Variants in HPSE2 observed in about 807,000 individuals in gnomAD.
The protein encoded by HPSE2 is heparanase 2 (inactive).
Under a neutral mutation model 60.5 loss-of-function variants are expected in HPSE2, and 38 were observed. The observed-to-expected ratio is 0.63, with a 90% CI of 0.48 to 0.82. The LOEUF (loss-of-function observed/expected upper bound fraction) is 0.82. Among genes scored for constraint, HPSE2 ranks in the 40% least tolerant of loss-of-function variants. The probability of loss-of-function intolerance (pLI) is 0.00; values close to 1 mark genes in which losing one functional copy is unlikely to be tolerated. For synonymous variants in HPSE2, 295 were observed against 293.2 expected (o/e 1.01, Z -0.06); for missense variants, 713 against 740.4 (o/e 0.96, Z 0.43).
At chr10:99,246,136 A>G in the HPSE2 span, among the ~76,000 whole-genome samples, 1 of 152,244 alleles carries the variant, frequency 6.6e-6, no homozygotes, top group South Asian at 2.1e-4. Flanking sequence ...CCTATAAGAT[A>G]GTTGTTGAAA....
intron 4 of HPSE2, among the ~76,000 whole-genome samples, chr10:98,726,817 A>T (rs1329827852): frequency 6.6e-6 from 1 of 152,052 alleles, no homozygotes; most frequent in East Asian, 1.9e-4. Context: ...CTAGCTATCC[A>T]CACATTTCCA....
intron 3 of HPSE2, among the ~76,000 whole-genome samples, chr10:99,059,324 C>A (rs1160198779): frequency 1.3e-5 from 2 of 152,142 alleles, no homozygotes; most frequent in African/African-American, 4.8e-5. Flanking sequence ...CTAAGAAGAA[C>A]TGTGAATTTT....
chr10:98,592,581 C>T (rs1217794415), intron 9 of HPSE2, among the ~76,000 whole-genome samples: 1 of 152,188 alleles, frequency 6.6e-6, no homozygotes, highest in Non-Finnish European at 1.5e-5. Context: ...TGCTCCTTCT[C>T]AGTCTTTGAG....
intron 7 of HPSE2, among the ~76,000 whole-genome samples, chr10:98,623,496 GA>G (rs1174991294): frequency 3.3e-5 from 5 of 152,094 alleles, no homozygotes; most frequent in African/African-American, 1.2e-4. Flanking sequence ...TATGCTATGT[GA>G]ATTATATCTC....
chr10:99,231,764 C>G (rs1457711570), intron 2 of HPSE2, among the ~76,000 whole-genome samples: 3 of 151,992 alleles, frequency 2.0e-5, no homozygotes, highest in East Asian at 1.9e-4. Flanking sequence ...GATTTCCAAA[C>G]CTTCCTCAAC....
intron 3 of HPSE2, among the ~76,000 whole-genome samples, chr10:98,993,704 T>A (rs1223171519): frequency 4.6e-5 from 7 of 152,186 alleles, no homozygotes; most frequent in Admixed American, 4.6e-4. Flanking sequence ...ATACTCTGGA[T>A]ACTTTAATGG....
At chr10:99,202,660 A>G (rs1266388041) in intron 2 of HPSE2, among the ~76,000 whole-genome samples, 2 of 152,164 alleles carry the variant, frequency 1.3e-5, no homozygotes, top group East Asian at 1.9e-4. Flanking sequence ...TGAGGATTAA[A>G]TGAGATAAAA....
intron 3 of HPSE2, among the ~76,000 whole-genome samples, chr10:99,004,821 G>T (rs1363794446): frequency 6.6e-6 from 1 of 152,140 alleles, no homozygotes; most frequent in Non-Finnish European, 1.5e-5. Context: ...TGTTGTATAA[G>T]ACGGGTCTGG....
At chr10:98,463,683 T>C (rs1940405258) in intron 11 of HPSE2, among the ~76,000 whole-genome samples, 1 of 152,154 alleles carries the variant, frequency 6.6e-6, no homozygotes, top group African/African-American at 2.4e-5. Context: ...CACATGCCTG[T>C]AGTCCCAACT....
chr10:98,981,465 C>T (rs1210602972), intron 3 of HPSE2, among the ~76,000 whole-genome samples: 1 of 152,102 alleles, frequency 6.6e-6, no homozygotes, highest in African/African-American at 2.4e-5. Flanking sequence ...GGCTCATATC[C>T]TCATAGGCTT....
In HPSE2 at chr10:98,609,839, CTTT is replaced by C. The variant is rs34422929; in HGVS notation, c.1320+5062_1320+5064del. On this transcript the variant is annotated intron_variant, in intron 9 of 11. Coordinates refer to ENST00000370552, the MANE Select transcript of HPSE2 (RefSeq NM_021828.5). ...ATTAGGTGGTGTTCTTCTTCTTCTT[CTTT>C]TTTTTTTTTTTTTTTTTGAGACAGA... Among the ~76,000 whole-genome samples the C allele has an allele frequency of 2.9e-4, 37 of 126,160 alleles. No homozygotes were observed. In the South Asian group the frequency reaches 8.2e-3, roughly 28 times the overall value. The allele number at this position is 126,160 out of a possible 152,430, so 82.8% of individuals were successfully genotyped here. A position where few individuals can be genotyped will look rare whatever the true frequency, so the allele number is the denominator to read the frequency against.
intron 6 of HPSE2, among the ~76,000 whole-genome samples, chr10:98,653,493 CTT>C (rs1246201672): frequency 1.3e-5 from 2 of 150,028 alleles, no homozygotes; most frequent in African/African-American, 4.9e-5. Flanking sequence ...TATCTCCTCT[CTT>C]AGTATACTAT....
At chr10:99,045,610 A>G (rs1957837187) in intron 3 of HPSE2, among the ~76,000 whole-genome samples, 1 of 152,156 alleles carries the variant, frequency 6.6e-6, no homozygotes, top group Non-Finnish European at 1.5e-5. Flanking sequence ...CAATGAAAAA[A>G]GAGAAGATCC....
At chr10:99,025,506 A>C (rs1444566173) in intron 3 of HPSE2, among the ~76,000 whole-genome samples, 1 of 152,200 alleles carries the variant, frequency 6.6e-6, no homozygotes. Flanking sequence ...ACACCATGGA[A>C]TACTACACAG....
the HPSE2 span, among the ~76,000 whole-genome samples, chr10:99,312,535 A>T: frequency 1.3e-5 from 2 of 152,222 alleles, no homozygotes; most frequent in East Asian, 1.9e-4. Flanking sequence ...TTTACTGAAT[A>T]TTTTAAACCC....
At chr10:99,282,043 A>G in the HPSE2 span, among the ~76,000 whole-genome samples, 3 of 152,254 alleles carry the variant, frequency 2.0e-5, no homozygotes, top group East Asian at 5.8e-4. Context: ...GCAGATCACA[A>G]GGTCAGGAGA....
chr10:98,704,808 T>C (rs1948503929), intron 5 of HPSE2, among the ~76,000 whole-genome samples: 1 of 152,114 alleles, frequency 6.6e-6, no homozygotes, highest in South Asian at 2.1e-4. Context: ...ATAAGAACCC[T>C]AGAAGAAAAC....
At chr10:99,259,374 T>C in the HPSE2 span, among the ~76,000 whole-genome samples, 2 of 149,764 alleles carry the variant, frequency 1.3e-5, no homozygotes, top group African/African-American at 4.9e-5. Flanking sequence ...AAAAAAATAT[T>C]TGCAAAGCAC....
chr10:99,024,137 CAA>C (rs1254234882), intron 3 of HPSE2, among the ~76,000 whole-genome samples: 2 of 152,144 alleles, frequency 1.3e-5, no homozygotes, highest in East Asian at 1.9e-4. Context: ...ATACATTTAA[CAA>C]AGAGATTGAA....
Sources: gnomAD v4.1 joint callset for allele counts (sites outside exome capture counted in the v4.1 genomes callset) on GRCh38, gnomAD v4.1.1 for gene constraint, MANE v1.5 for transcripts, NCBI Gene and HGNC (gene_info 2026-07-23, HGNC 2026-07-21) for gene names.